The following CUL3 variants were observed in gnomAD, a reference collection of about 807,000 sequenced individuals.
The protein encoded by CUL3 is cullin 3.
A neutral mutation model predicts 89.1 loss-of-function variants in CUL3; 19 were observed. The ratio of observed to expected loss-of-function variants is 0.21; its 90% CI spans 0.15 to 0.31. CUL3 has a LOEUF of 0.31. Among genes scored for constraint, CUL3 ranks in the 10% least tolerant of loss-of-function variants. CUL3 has a pLI of 1.00. For synonymous variants in CUL3, 351 were observed against 308.4 expected (o/e 1.14, Z -1.45); for missense variants, 469 against 942.3 (o/e 0.50, Z 6.58).
chr2:224,486,069 T>A (rs572873683), intron 13 of CUL3, among the ~76,000 whole-genome samples: 22 of 152,286 alleles, frequency 1.4e-4, no homozygotes, highest in African/African-American at 5.3e-4. Flanking sequence ...ACATTCAACA[T>A]CAACGAAAAG....
rs767608015 is a variant in CUL3 at position 224,500,471 on chromosome 2, A to C, written c.1502T>G (p.Val501Gly). 6.8e-6 allele frequency: 11 copies of C among 1,614,014 alleles called. No individual in the cohort carries two copies. Among genetic ancestry groups the C allele is most frequent in the Non-Finnish European group, 9.3e-6 (11 of 1,179,936 alleles). Reference sequence around the variant, plus strand: ...CGTGAGCACCCGGACTGTAAGATCAACACCACCTAAAGATACCTATGTAAA... The same window carrying C: ...CGTGAGCACCCGGACTGTAAGATCACCACCACCTAAAGATACCTATGTAAA... ...LQATGVSLGG[V>G]DLTVRVLTTG... Residue 501 changes from valine (V) to glycine (G), a missense_variant, in exon 11 of 16, where the codon GTT becomes GGT. Around this residue, in one of 4 missense-constraint regions of CUL3, gnomAD observed 370 missense variants for 733.2 expected, o/e 0.50. Coordinates refer to ENST00000264414, the MANE Select transcript of CUL3 (RefSeq NM_003590.5).
At chr2:224,559,402 A>G (rs935453040) in intron 1 of CUL3, among the ~76,000 whole-genome samples, 3 of 151,278 alleles carry the variant, frequency 2.0e-5, no homozygotes, top group Non-Finnish European at 4.4e-5. Context: ...GCAGGGATCC[A>G]AGATCACAAC....
At chr2:224,534,607 G>A (rs967578433) in intron 3 of CUL3, among the ~76,000 whole-genome samples, 3 of 152,120 alleles carry the variant, frequency 2.0e-5, no homozygotes, top group African/African-American at 7.2e-5. Flanking sequence ...TAAAGGACAA[G>A]TGCTAAATAC....
chr2:224,532,224 T>A (rs1303696210), intron 3 of CUL3, among the ~76,000 whole-genome samples: 1 of 152,104 alleles, frequency 6.6e-6, no homozygotes, highest in African/African-American at 2.4e-5. Flanking sequence ...CAGAGGCACA[T>A]GAAGCTACAT....
rs763950938 is a variant in CUL3, at chr2:224,507,039, G to T, written c.884-36C>A. 3.1e-6 allele frequency: 5 copies of T among 1,588,542 alleles called. No individual in the cohort carries two copies. In the Admixed American group the frequency reaches 9.1e-5, roughly 29 times the overall value. On this transcript the variant is annotated intron_variant, in intron 6 of 15. Transcript: ENST00000264414. ...GAAAACACAAATTGGCTACATTAAA[G>T]ATTAAAGAAAAAAACACGAATCTCT...
At chr2:224,568,174 C>T (rs1695091540) in intron 1 of CUL3, among the ~76,000 whole-genome samples, 1 of 152,166 alleles carries the variant, frequency 6.6e-6, no homozygotes, top group African/African-American at 2.4e-5. Context: ...ACTCCTCAAG[C>T]AAAGTTAACA....
chr2:224,507,527 T>C (rs769476636), intron 6 of CUL3, among the ~76,000 whole-genome samples: 2 of 152,134 alleles, frequency 1.3e-5, no homozygotes, highest in African/African-American at 2.4e-5. Flanking sequence ...AAATGAACTA[T>C]ACTAGGATTT....
At chr2:224,498,463 C>T (rs562407139) in intron 11 of CUL3, among the ~76,000 whole-genome samples, 12 of 152,278 alleles carry the variant, frequency 7.9e-5, no homozygotes, top group Middle Eastern at 3.4e-3. Flanking sequence ...CATCCCTTCA[C>T]TCTTAGAATT....
intron 1 of CUL3, chr2:224,563,227 T>C (rs1694957274): frequency 1.1e-5 from 5 of 471,156 alleles, no homozygotes; most frequent in Non-Finnish European, 2.2e-5. Flanking sequence ...TAGAAAACAT[T>C]ATTCCCCTAC....
At chr2:224,496,544 A>T (rs1260732652) in intron 12 of CUL3, among the ~76,000 whole-genome samples, 1 of 152,214 alleles carries the variant, frequency 6.6e-6, no homozygotes, top group Non-Finnish European at 1.5e-5. Context: ...CCTGTATTTA[A>T]TGCTAAAATT....
Position 224,474,320 on chromosome 2 carries a change from A to G in CUL3, c.2232T>C (p.Arg744=), listed in dbSNP as rs1296769048. 1 of 1,613,866 alleles carries G rather than the reference A, an allele frequency of 6.2e-7. No individual in the cohort carries two copies. Among genetic ancestry groups the G allele is most frequent in the East Asian group, 2.2e-5 (1 of 44,874 alleles). Residue 744 remains arginine, a synonymous_variant, in exon 16 of 16, where the codon CGT becomes CGC. Coordinates refer to ENST00000264414, the MANE Select transcript of CUL3 (RefSeq NM_003590.5). ...ATTCTCTCTCAATAAGTCCTTCAATACGTTTCTTAATAACAACTGGACTTG... is the reference window on the plus strand; with the variant it reads ...ATTCTCTCTCAATAAGTCCTTCAATGCGTTTCTTAATAACAACTGGACTTG... ...FLPSPVVIKK[R]IEGLIEREYL... is the part of the protein sequence containing the mutation.
chr2:224,509,342 CCAAGTGGCTGGGA>C (rs1210969134), intron 6 of CUL3, among the ~76,000 whole-genome samples: 3 of 152,136 alleles, frequency 2.0e-5, no homozygotes, highest in African/African-American at 7.2e-5. Context: ...CCTCAACCTC[CCAAGTGGCTGGGA>C]CTAGGCATGT....
intron 7 of CUL3, among the ~76,000 whole-genome samples, chr2:224,506,559 A>ATAC (rs1692609780): frequency 6.6e-6 from 1 of 152,218 alleles, no homozygotes; most frequent in Non-Finnish European, 1.5e-5. Context: ...TTTTTCCAAT[A>ATAC]TACTACAGTA....
chr2:224,570,639 C>T (rs1851767), intron 1 of CUL3, among the ~76,000 whole-genome samples: 146,256 of 152,154 alleles, frequency 0.96, 70,347 homozygotes, highest in East Asian at 1. Context: ...AGAGCTGATG[C>T]CAAGGAAAAA....
rs138838580 is a variant in CUL3 at position 224,549,862 on chromosome 2, GCA to G, written c.264+7795_264+7796del. The stretch of plus-strand genomic sequence containing the variant: ...GACTTACATATACACATATATGCGT[GCA>G]CACACACACACACGCACACACACAC... On this transcript the variant is annotated intron_variant, in intron 2 of 15. Transcript: ENST00000264414. 6.2e-4 allele frequency among the ~76,000 whole-genome samples: 93 copies of G among 150,468 alleles called. 1 individual carries two copies. The highest frequency in any genetic ancestry group is 7.3e-4 in the Non-Finnish European group (49 of 67,348).
rs186656769 is a variant in CUL3 at position 224,551,497 on chromosome 2, G to A, written c.264+6162C>T. On this transcript the variant is annotated intron_variant, in intron 2 of 15. Transcript: ENST00000264414. ...TGGGATTACAGGTGTGAGCCACCAC[G>A]CCTGGTCAATTTTTTTTTTTTTTTT... Among the ~76,000 whole-genome samples the A allele has an allele frequency of 8.3e-3, 1,253 of 151,256 alleles. 10 individuals carry two copies. Among genetic ancestry groups the A allele is most frequent in the African/African-American group, 0.029 (1,193 of 41,170 alleles).
At chr2:224,540,753 A>G (rs930022821) in intron 2 of CUL3, among the ~76,000 whole-genome samples, 2 of 152,174 alleles carry the variant, frequency 1.3e-5, no homozygotes, top group Admixed American at 6.5e-5. Context: ...ACATAGGTAT[A>G]TGTGTGCCAT....
intron 13 of CUL3, among the ~76,000 whole-genome samples, chr2:224,491,102 C>T (rs2106169745): frequency 6.6e-6 from 1 of 152,248 alleles, no homozygotes; most frequent in Non-Finnish European, 1.5e-5. Context: ...AGTAGTTTTG[C>T]CTAATCTTGT....
chr2:224,549,916 A>G (rs1345882644), intron 2 of CUL3, among the ~76,000 whole-genome samples: 1 of 152,092 alleles, frequency 6.6e-6, no homozygotes, highest in Non-Finnish European at 1.5e-5. Flanking sequence ...AAAAACTGTA[A>G]CTCTGCTAAA....
Sources: gnomAD v4.1 joint callset for allele counts (sites outside exome capture counted in the v4.1 genomes callset) on GRCh38, gnomAD v4.1.1 for gene constraint, gnomAD v4.1.1 regional missense constraint, MANE v1.5 for transcripts, NCBI Gene and HGNC (gene_info 2026-07-23, HGNC 2026-07-21) for gene names.